CENPO: variants seen among roughly 807,000 people sequenced by gnomAD.
The protein encoded by CENPO is centromere protein O, also known as centromeric protein O.
In CENPO, 30 loss-of-function variants were observed where a neutral mutation model predicts 36.1. That is an observed-to-expected ratio of 0.83 (90% confidence interval 0.62 to 1.13). CENPO has a LOEUF of 1.13. Ranked by LOEUF, CENPO falls within the 50% of genes most tolerant of loss-of-function variation. CENPO has a pLI of 0.00. For missense variants in CENPO, 349 were observed against 357.8 expected, an observed-to-expected ratio of 0.98 and a Z score of 0.20; for synonymous variants, 171 against 142.3, an observed-to-expected ratio of 1.20 and a Z score of -1.44.
Position 24,821,514 on chromosome 2 carries a change from C to T in CENPO, c.*2196C>T, listed in dbSNP as rs1296611319. 5 of 1,613,628 alleles carry T rather than the reference C, an allele frequency of 3.1e-6. No homozygotes were observed. Among genetic ancestry groups the T allele is most frequent in the Middle Eastern group, 1.7e-4 (1 of 6,056 alleles). On this transcript the variant is annotated 3_prime_UTR_variant, in exon 8 of 8. Transcript: ENST00000380834. Reference sequence around the variant, plus strand: ...GCGGGGCAGGCCAGCTGGGGGTGCTCACCTATGCGCAGCATGAAGTTATTG... The same window carrying T: ...GCGGGGCAGGCCAGCTGGGGGTGCTTACCTATGCGCAGCATGAAGTTATTG...
chr2:24,811,838 T>C (rs925255449), intron 3 of CENPO, among the ~76,000 whole-genome samples: 3 of 152,126 alleles, frequency 2.0e-5, no homozygotes, highest in Admixed American at 2.0e-4. Flanking sequence ...CCTCATGATC[T>C]GCCCGCTTTG....
intron 6 of CENPO, 91 bp downstream of exon 6, chr2:24,816,908 T>C (rs1666960034): frequency 4.9e-6 from 6 of 1,217,412 alleles, no homozygotes; most frequent in Non-Finnish European, 6.9e-6. Context: ...AGTAGACCTC[T>C]TGAGACACTT....
In CENPO at chr2:24,815,770, A is replaced by T. The variant is rs1666913168; in HGVS notation, c.594+14A>T. ...GACCGGCTTCAGGTATCTCTCTGGGATGTTATATGCCTCATCCGTGGGCCC... is the reference window on the plus strand; with the variant it reads ...GACCGGCTTCAGGTATCTCTCTGGGTTGTTATATGCCTCATCCGTGGGCCC... On this transcript the variant is annotated intron_variant, in intron 5 of 7. Coordinates refer to ENST00000380834, the MANE Select transcript of CENPO (RefSeq NM_001322101.2). 6.2e-7 allele frequency: 1 copy of T among 1,613,578 alleles called. No individual in the cohort carries two copies. The highest frequency in any genetic ancestry group is 8.5e-7 in the Non-Finnish European group (1 of 1,179,576).
intron 4 of CENPO, chr2:24,814,878 T>G (rs928933078): frequency 3.7e-5 from 7 of 188,956 alleles, no homozygotes; most frequent in Non-Finnish European, 6.7e-5. Context: ...TTCTCCCATC[T>G]ATGCCACAAG....
Position 24,816,641 on chromosome 2 carries a change from C to G in CENPO, c.595-5C>G, listed in dbSNP as rs371626961. Reference sequence around the variant, plus strand: ...CTACTTCGTTTTGTTCCTCACCCCTCTTAGAGTGACTTTGCAGCCCTCCTG... The same window carrying G: ...CTACTTCGTTTTGTTCCTCACCCCTGTTAGAGTGACTTTGCAGCCCTCCTG... On this transcript the variant is annotated splice_polypyrimidine_tract_variant and splice_region_variant and intron_variant, in intron 5 of 7. Coordinates refer to ENST00000380834, the MANE Select transcript of CENPO (RefSeq NM_001322101.2). The G allele has an allele frequency of 1.4e-5, 23 of 1,601,886 alleles. No individual in the cohort carries two copies. Among genetic ancestry groups the G allele is most frequent in the Non-Finnish European group, 2.0e-5 (23 of 1,174,316 alleles).
In CENPO at chr2:24,799,835, G is replaced by T. The variant is rs1666083887; in HGVS notation, c.207G>T (p.Arg69=). The T allele has an allele frequency of 6.2e-7, 1 of 1,612,980 alleles. No homozygotes were observed. The highest frequency in any genetic ancestry group is 1.7e-5 in the Admixed American group (1 of 59,994). ...AGCTGAGGGCTGTGGTGCGGCACCGGCGAGCCAGCGTGAGTAGAAGGGTGG... is the reference window on the plus strand; with the variant it reads ...AGCTGAGGGCTGTGGTGCGGCACCGTCGAGCCAGCGTGAGTAGAAGGGTGG... The part of the protein sequence containing the change: ...RDELRAVVRH[R]RASVKACIAN... Residue 69 remains arginine (R), a synonymous_variant, in exon 3 of 8, where the codon CGG becomes CGT. Coordinates refer to ENST00000380834, the MANE Select transcript of CENPO (RefSeq NM_001322101.2).
At chr2:24,816,257 G>A in intron 5 of CENPO, 1 of 194,230 alleles carries the variant, frequency 5.1e-6, no homozygotes, top group East Asian at 1.4e-4. Flanking sequence ...GGCTGTAAGT[G>A]CCTCCTACAA....
intron 3 of CENPO, among the ~76,000 whole-genome samples, chr2:24,800,840 C>A (rs1371974238): frequency 6.6e-6 from 1 of 151,994 alleles, no homozygotes; most frequent in Non-Finnish European, 1.5e-5. Flanking sequence ...GGATATATAC[C>A]CAGTAATGGG....
rs78061613 is a variant in CENPO at position 24,819,600 on chromosome 2, C to T, written c.*282C>T. On this transcript the variant is annotated 3_prime_UTR_variant, in exon 8 of 8. Transcript: ENST00000380834. The stretch of plus-strand genomic sequence containing the variant: ...CCCTCCACAGTCCCGGAAAGCCCAG[C>T]GGCAAAGGCAGCTTTGTCCCAGCTC... 0.01 allele frequency: 2,123 copies of T among 207,498 alleles called. 50 individuals carry two copies. The highest frequency in any genetic ancestry group is 0.046 in the African/African-American group (2,003 of 43,264). The allele number at this position is 207,498 out of a possible 1,614,324, so 12.9% of individuals were successfully genotyped here.
At chr2:24,814,355 G>A in intron 3 of CENPO, 21 bp from the exon 4 acceptor site, 1 of 1,169,296 alleles carries the variant, frequency 8.6e-7, no homozygotes, top group Non-Finnish European at 1.3e-6. Context: ...TACCAAGATT[G>A]ATTTGCTGCA....
rs1279324970 is a variant in CENPO at position 24,820,965 on chromosome 2, C to T, written c.*1647C>T. On this transcript the variant is annotated 3_prime_UTR_variant, in exon 8 of 8. Transcript: ENST00000380834. ...GCTCCTAATGTAACACATCATTGTC[C>T]TCATTCAACTTGGCTGTATGCTATT... 4 of 1,421,000 alleles carry T rather than the reference C, an allele frequency of 2.8e-6. No homozygotes were observed. The African/African-American group carries it at 5.7e-5, about 20-fold the overall frequency. The allele number at this position is 1,421,000 out of a possible 1,614,324, so 88.0% of individuals were successfully genotyped here.
intron 3 of CENPO, among the ~76,000 whole-genome samples, chr2:24,812,924 T>TA (rs1401849046): frequency 8.2e-6 from 1 of 122,124 alleles, no homozygotes; most frequent in African/African-American, 3.0e-5. Flanking sequence ...TTTTTTTTTT[T>TA]AATTCAATGA....
At position 24,815,734 on chromosome 2, in the gene CENPO, A is replaced by G; in HGVS notation, c.572A>G (p.Lys191Arg). The G allele has an allele frequency of 6.2e-7, 1 of 1,614,158 alleles. No individual in the cohort carries two copies. Among genetic ancestry groups the G allele is most frequent in the Non-Finnish European group, 8.5e-7 (1 of 1,179,982 alleles). Residue 191 changes from lysine to arginine, a missense_variant, in exon 5 of 8, where the codon AAG becomes AGG. By Grantham distance (26) the Lys-to-Arg change is conservative. Coordinates refer to ENST00000380834, the MANE Select transcript of CENPO (RefSeq NM_001322101.2). Reference protein sequence around the residue: ...CEYLNAYSGRKYQADRLQSDF... With the variant: ...CEYLNAYSGRRYQADRLQSDF... Reference sequence around the variant, plus strand: ...TACCTGAATGCTTACTCTGGGAGGAAGTACCAGGCAGACCGGCTTCAGGTA... The same window carrying G: ...TACCTGAATGCTTACTCTGGGAGGAGGTACCAGGCAGACCGGCTTCAGGTA...
Position 24,821,472 on chromosome 2 carries a change from T to C in CENPO, c.*2154T>C, listed in dbSNP as rs372949579. 9 of 1,606,278 alleles carry C rather than the reference T, an allele frequency of 5.6e-6. No individual in the cohort carries two copies. The highest frequency in any genetic ancestry group is 2.2e-5 in the East Asian group (1 of 44,722). ...CCTGGTGGTGGGCCAGGCCCCTGCA[T>C]GGGAAGGGAGCCTGCTGCGGGGCAG... On this transcript the variant is annotated 3_prime_UTR_variant, in exon 8 of 8. Transcript: ENST00000380834.
Position 24,819,860 on chromosome 2 carries a change from G to C in CENPO, c.*542G>C. ...ATGAGTGTGCACTTCAATCCAGGAA[G>C]GTCGGGACTTCCTTCAGTTTCAAAA... On this transcript the variant is annotated 3_prime_UTR_variant, in exon 8 of 8. Transcript: ENST00000380834. 1.3e-6 allele frequency: 2 copies of C among 1,501,224 alleles called. No homozygotes were observed. Among genetic ancestry groups the C allele is most frequent in the Non-Finnish European group, 1.8e-6 (2 of 1,101,560 alleles). The allele number at this position is 1,501,224 out of a possible 1,614,324, so 93.0% of individuals were successfully genotyped here.
At position 24,821,578 on chromosome 2, in the gene CENPO, G is replaced by A. The variant is rs758865596; in HGVS notation, c.*2260G>A. ...TGATGTTGGTGAGCGTATCCTTCAT[G>A]GCCAGCGCGAAGTCGGCCAGGTCAG... On this transcript the variant is annotated 3_prime_UTR_variant, in exon 8 of 8. Coordinates refer to ENST00000380834, the MANE Select transcript of CENPO (RefSeq NM_001322101.2). 2 of 1,614,158 alleles carry A rather than the reference G, an allele frequency of 1.2e-6. No individual in the cohort carries two copies. The highest frequency in any genetic ancestry group is 2.2e-5 in the South Asian group (2 of 91,072).
Position 24,821,735 on chromosome 2 carries a change from C to G in CENPO, c.*2417C>G, listed in dbSNP as rs1243673405. 1 of 1,530,298 alleles carries G rather than the reference C, an allele frequency of 6.5e-7. No homozygotes were observed. The highest frequency in any genetic ancestry group is 1.4e-5 in the African/African-American group (1 of 72,996). The allele number at this position is 1,530,298 out of a possible 1,614,324, so 94.8% of individuals were successfully genotyped here. Reference sequence around the variant, plus strand: ...TGGCAGTGTTCTGGGGGTGGATTCCCTACACCTAGATGTTCAAGGCCTTAC... The same window carrying G: ...TGGCAGTGTTCTGGGGGTGGATTCCGTACACCTAGATGTTCAAGGCCTTAC... On this transcript the variant is annotated 3_prime_UTR_variant, in exon 8 of 8. Coordinates refer to ENST00000380834, the MANE Select transcript of CENPO (RefSeq NM_001322101.2).
chr2:24,795,335 T>C (rs561062347), intron 2 of CENPO, among the ~76,000 whole-genome samples: 1 of 152,330 alleles, frequency 6.6e-6, no homozygotes, highest in African/African-American at 2.4e-5. Flanking sequence ...AGGAAGGACA[T>C]GGAGTTGTAG....
At chr2:24,800,199 C>A (rs996023344) in intron 3 of CENPO, among the ~76,000 whole-genome samples, 2 of 152,158 alleles carry the variant, frequency 1.3e-5, no homozygotes, top group Admixed American at 1.3e-4. Context: ...GCACGAATTG[C>A]ACCTGGGAGG....
Sources: gnomAD v4.1 joint callset for allele counts (sites outside exome capture counted in the v4.1 genomes callset) on GRCh38, gnomAD v4.1.1 for gene constraint, MANE v1.5 for transcripts, NCBI Gene and HGNC (gene_info 2026-07-23, HGNC 2026-07-21) for gene names.